FBXO32: variants seen among roughly 807,000 people sequenced by gnomAD.
FBXO32 encodes the protein F-box only protein 32.
A neutral mutation model predicts 48.3 loss-of-function variants in FBXO32; 15 were observed. The ratio of observed to expected loss-of-function variants is 0.31; its 90% CI spans 0.21 to 0.48. The LOEUF is 0.48. Among genes scored for constraint, FBXO32 ranks in the 20% least tolerant of loss-of-function variants. The probability of loss-of-function intolerance (pLI) is 0.99; values close to 1 mark genes in which losing one functional copy is unlikely to be tolerated. For synonymous variants in FBXO32, 154 were observed against 165.9 expected (o/e 0.93, Z 0.55); for missense variants, 309 against 432.7 (o/e 0.71, Z 2.54).
intron 8 of FBXO32, among the ~76,000 whole-genome samples, chr8:123,504,379 G>A (rs1816566940): frequency 6.6e-6 from 1 of 152,064 alleles, no homozygotes; most frequent in African/African-American, 2.4e-5. Flanking sequence ...AGGGGGAGTG[G>A]GTGGAACGCA....
chr8:123,503,145 T>C lies in FBXO32; in HGVS notation c.*228A>G, dbSNP rs1452979786. The C allele has an allele frequency of 7.9e-6, 3 of 381,144 alleles. No individual in the cohort carries two copies. Among genetic ancestry groups the C allele is most frequent in the Non-Finnish European group, 9.4e-6 (2 of 211,856 alleles). 23.6% of individuals were successfully genotyped at this position (381,144 alleles called of 1,614,324 possible). On this transcript the variant is annotated 3_prime_UTR_variant, in exon 9 of 9. Coordinates refer to ENST00000517956, the MANE Select transcript of FBXO32 (RefSeq NM_058229.4). ...GCAAATTGTTAGAAAAAAAGTTTAT[T>C]TACAGTATTTTGCTTTTCCATACCA...
intron 3 of FBXO32, among the ~76,000 whole-genome samples, chr8:123,532,880 A>T (rs529910213): frequency 2.1e-4 from 32 of 152,354 alleles, no homozygotes; most frequent in African/African-American, 7.7e-4. Context: ...AACAAAAGGG[A>T]GACCTTGCCC....
chr8:123,520,281 G>C (rs1816925431), intron 4 of FBXO32, among the ~76,000 whole-genome samples: 2 of 152,286 alleles, frequency 1.3e-5, no homozygotes, highest in South Asian at 4.2e-4. Context: ...TTTAGCCCAG[G>C]TGCTAGTAAT....
At chr8:123,536,293 G>A (rs538712766) in intron 1 of FBXO32, among the ~76,000 whole-genome samples, 1 of 152,244 alleles carries the variant, frequency 6.6e-6, no homozygotes, top group East Asian at 1.9e-4. Context: ...ATAGAGTCCT[G>A]CAGAAATGTC....
rs377233828 is a variant in FBXO32, at chr8:123,504,635, A to T, written c.947T>A (p.Leu316His). 16 of 1,613,848 alleles carry T rather than the reference A, an allele frequency of 9.9e-6. No homozygotes were observed. Among genetic ancestry groups the T allele is most frequent in the African/African-American group, 2.7e-5 (2 of 74,898 alleles). Residue 316 changes from leucine to histidine, a missense_variant, in exon 8 of 9, where the codon CTC (leucine) becomes CAC (histidine). Coordinates refer to ENST00000517956, the MANE Select transcript of FBXO32 (RefSeq NM_058229.4). ...RKEQYGDTLQ[L>H]CKHCHILSWK... Reference sequence around the variant, plus strand: ...GGAAAGGATGTGACAGTGTTTGCAGAGCTGAAGGGTATCTCCATACTGCTC... The same window carrying T: ...GGAAAGGATGTGACAGTGTTTGCAGTGCTGAAGGGTATCTCCATACTGCTC...
rs1817279410 is a variant in FBXO32 at position 123,534,802 on chromosome 8, C to T, written c.129G>A (p.Lys43=). 1 of 1,607,508 alleles carries T rather than the reference C, an allele frequency of 6.2e-7. No homozygotes were observed. Among genetic ancestry groups the T allele is most frequent in the Non-Finnish European group, 8.5e-7 (1 of 1,174,756 alleles). The part of the protein sequence containing the change: ...FVSDLSSYCN[K]EVYNKENLFN... The stretch of plus-strand genomic sequence containing the variant: ...AAAGATTCTCCTTATTGTATACCTC[C>T]TTGTTGCAGTAACTATGAATAACAG... Residue 43 remains lysine, a synonymous_variant, in exon 2 of 9, where the codon AAG becomes AAA. Coordinates refer to ENST00000517956, the MANE Select transcript of FBXO32 (RefSeq NM_058229.4).
chr8:123,505,920 C>T (rs945479194), intron 7 of FBXO32, among the ~76,000 whole-genome samples: 1 of 152,002 alleles, frequency 6.6e-6, no homozygotes, highest in African/African-American at 2.4e-5. Flanking sequence ...CACACAACAT[C>T]TCTATTTAAA....
At chr8:123,529,571 G>T (rs866582521) in intron 4 of FBXO32, among the ~76,000 whole-genome samples, 3 of 152,170 alleles carry the variant, frequency 2.0e-5, no homozygotes, top group African/African-American at 7.2e-5. Flanking sequence ...GCTAGGACCT[G>T]CCCTCAGGCT....
chr8:123,524,154 CCTA>C (rs557790985), intron 4 of FBXO32, among the ~76,000 whole-genome samples: 27 of 152,172 alleles, frequency 1.8e-4, no homozygotes, highest in Admixed American at 3.3e-4. Flanking sequence ...TGGGTACCCT[CCTA>C]CTTCTTCAAA....
intron 4 of FBXO32, among the ~76,000 whole-genome samples, chr8:123,517,273 C>G (rs1816858038): frequency 1.3e-5 from 2 of 152,166 alleles, no homozygotes; most frequent in Non-Finnish European, 2.9e-5. Flanking sequence ...CAGTTTTAAT[C>G]TTGTCAAAAT....
intron 4 of FBXO32, among the ~76,000 whole-genome samples, chr8:123,521,307 G>A (rs528798554): frequency 6.6e-6 from 1 of 152,270 alleles, no homozygotes; most frequent in East Asian, 1.9e-4. Context: ...GTAGCTGGAA[G>A]GGACTCAGGA....
At chr8:123,518,064 A>G (rs1275391652) in intron 4 of FBXO32, among the ~76,000 whole-genome samples, 1 of 152,208 alleles carries the variant, frequency 6.6e-6, no homozygotes, top group African/African-American at 2.4e-5. Context: ...GTGTATTCCA[A>G]TAAAACTTTA....
At chr8:123,511,926 A>C (rs1480215669) in intron 6 of FBXO32, among the ~76,000 whole-genome samples, 4 of 152,210 alleles carry the variant, frequency 2.6e-5, no homozygotes, top group African/African-American at 9.6e-5. Context: ...AGAGAATGCC[A>C]GAAACCAGGT....
intron 4 of FBXO32, among the ~76,000 whole-genome samples, chr8:123,528,054 C>T (rs1339765859): frequency 6.6e-6 from 1 of 152,206 alleles, no homozygotes; most frequent in Non-Finnish European, 1.5e-5. Flanking sequence ...CTGAGCTGGT[C>T]TGTAAACTTG....
Position 123,531,927 on chromosome 8 carries a change from C to A in FBXO32, c.343G>T (p.Asp115Tyr). Reference sequence around the variant, plus strand: ...ACCACGTAGTTAAATCTTCTGGAATCCAGAATGGCAGTTGAGAAGTCCAGT... The same window carrying A: ...ACCACGTAGTTAAATCTTCTGGAATACAGAATGGCAGTTGAGAAGTCCAGT... ...NRLDFSTAIL[D>Y]SRRFNYVVRL... The change falls in exon 4 of 9, where the codon GAT (aspartate) becomes TAT (tyrosine). Residue 115 changes from aspartate (D) to tyrosine (Y), a missense_variant. By Grantham distance (160) the Asp-to-Tyr change is radical (BLOSUM62 -3). Coordinates refer to ENST00000517956, the MANE Select transcript of FBXO32 (RefSeq NM_058229.4). The A allele has an allele frequency of 6.2e-7, 1 of 1,614,160 alleles. No homozygotes were observed.
At chr8:123,526,944 C>T (rs1586999608) in intron 4 of FBXO32, 1 of 152,130 alleles carries the variant, frequency 6.6e-6, no homozygotes, top group African/African-American at 2.4e-5. Context: ...CTGAACCCAA[C>T]TCTGCCATTT....
chr8:123,505,474 G>A (rs955455826), intron 7 of FBXO32, among the ~76,000 whole-genome samples: 18 of 152,180 alleles, frequency 1.2e-4, no homozygotes, highest in African/African-American at 3.6e-4. Flanking sequence ...GGTGGCTCAC[G>A]CCTGTAATCC....
At chr8:123,527,494 T>C (rs1301404971) in intron 4 of FBXO32, among the ~76,000 whole-genome samples, 2 of 152,182 alleles carry the variant, frequency 1.3e-5, no homozygotes, top group Non-Finnish European at 2.9e-5. Context: ...GGGTAAATGT[T>C]GGTGTTTTCT....
At position 123,540,729 on chromosome 8, in the gene FBXO32, G is replaced by A. The variant is rs1213123699; in HGVS notation, c.116+170C>T. On this transcript the variant is annotated intron_variant, in intron 1 of 8. Transcript: ENST00000517956. The surrounding 1 kb of genome is among the most constrained non-coding windows in gnomAD (Gnocchi z 6.4). ...AGAAACCGAATTCCCTGTCTCCGGT[G>A]GTCCGAAGACCTCTGCAGAAATCGG... is the stretch of plus-strand genomic sequence containing the variant. Among the ~76,000 whole-genome samples the A allele has an allele frequency of 6.6e-6, 1 of 152,172 alleles. No homozygotes were observed. Among genetic ancestry groups the A allele is most frequent in the East Asian group, 1.9e-4 (1 of 5,190 alleles).
Sources: gnomAD v4.1 joint callset for allele counts (sites outside exome capture counted in the v4.1 genomes callset) on GRCh38, gnomAD v4.1.1 for gene constraint, Gnocchi (gnomAD v3.1) non-coding constraint, MANE v1.5 for transcripts, NCBI Gene and HGNC (gene_info 2026-07-23, HGNC 2026-07-21) for gene names.